The following SH3KBP1 variants were observed in gnomAD, a reference collection of about 807,000 sequenced individuals.
SH3KBP1 encodes the protein SH3 domain containing kinase binding protein 1, also known as SH3 domain-containing kinase-binding protein 1.
A neutral mutation model predicts 50.1 loss-of-function variants in SH3KBP1; 8 were observed. That is an observed-to-expected ratio of 0.16 (90% confidence interval 0.09 to 0.29). SH3KBP1 has a LOEUF of 0.29. Among genes scored for constraint, SH3KBP1 ranks in the 10% least tolerant of loss-of-function variants. The probability of loss-of-function intolerance (pLI) is 1.00; values close to 1 mark genes in which losing one functional copy is unlikely to be tolerated. For synonymous variants in SH3KBP1, 227 were observed against 218.6 expected (o/e 1.04, Z -0.34); for missense variants, 377 against 535.2 (o/e 0.70, Z 2.92).
chrX:19,567,163 T>C lies in SH3KBP1; in HGVS notation c.1384+1940A>G, dbSNP rs555667965. ...GGCTTAACAAGAGTAACACAAGGGATCTAGTGGTGATGGAAATGTTCTATG... is the reference window on the plus strand; with the variant it reads ...GGCTTAACAAGAGTAACACAAGGGACCTAGTGGTGATGGAAATGTTCTATG... On this transcript the variant is annotated intron_variant, in intron 13 of 17. Coordinates refer to ENST00000397821, the MANE Select transcript of SH3KBP1 (RefSeq NM_031892.3). Among the ~76,000 whole-genome samples the C allele has an allele frequency of 8.4e-5, 9 of 107,759 alleles. No homozygotes were observed. The South Asian group carries it at 3.7e-3, about 44-fold the overall frequency. 93.6% of individuals were successfully genotyped at this position (107,759 alleles called of 115,157 possible). A position where few individuals can be genotyped will look rare whatever the true frequency, so the allele number is the denominator to read the frequency against.
intron 1 of SH3KBP1, among the ~76,000 whole-genome samples, chrX:19,853,951 G>A (rs2068580579): frequency 9.6e-6 from 1 of 104,045 alleles, no homozygotes; most frequent in African/African-American, 3.5e-5. Context: ...AAGAGAGAAC[G>A]AAACTCCATC....
At chrX:19,608,865 T>C (rs918584845) in intron 8 of SH3KBP1, among the ~76,000 whole-genome samples, 21 of 112,435 alleles carry the variant, frequency 1.9e-4, no homozygotes, top group Non-Finnish European at 3.4e-4. Flanking sequence ...TGGCGCACAG[T>C]TGCCATCATG....
At chrX:19,566,054 T>C (rs1331264602) in intron 13 of SH3KBP1, among the ~76,000 whole-genome samples, 2 of 109,427 alleles carry the variant, frequency 1.8e-5, no homozygotes, top group Non-Finnish European at 3.8e-5. Context: ...GGTGGGAGGA[T>C]TGCATGAGCC....
chrX:19,841,634 C>T (rs1229356618), intron 1 of SH3KBP1, among the ~76,000 whole-genome samples: 2 of 111,322 alleles, frequency 1.8e-5, no homozygotes, highest in Admixed American at 9.6e-5. Flanking sequence ...AAACAGACTT[C>T]ACCAAAAAAG....
rs1245815328 is a variant in SH3KBP1 at position 19,882,369 on chromosome X, G to C, written c.4+4938C>G. ...ACCTGGAGATGAGGAGATGAGCCTG[G>C]AATATCCAGGTGGACCCAATGTCAT... On this transcript the variant is annotated intron_variant, in intron 1 of 17. Coordinates refer to ENST00000397821, the MANE Select transcript of SH3KBP1 (RefSeq NM_031892.3). Among the ~76,000 whole-genome samples, 2 of 111,265 alleles carry C rather than the reference G, an allele frequency of 1.8e-5. 1 individual carries two copies. Among genetic ancestry groups the C allele is most frequent in the East Asian group, 5.6e-4 (2 of 3,554 alleles).
chrX:19,699,789 C>T (rs1328437313), intron 4 of SH3KBP1, among the ~76,000 whole-genome samples: 3 of 111,610 alleles, frequency 2.7e-5, no homozygotes, highest in Non-Finnish European at 5.7e-5. Context: ...CCATCCCCAC[C>T]CCTTCTTGCA....
At position 19,704,767 on chromosome X, in the gene SH3KBP1, A is replaced by G. The variant is rs761796866; in HGVS notation, c.390+2114T>C. Among the ~76,000 whole-genome samples the G allele has an allele frequency of 2.7e-5, 3 of 112,648 alleles. No homozygotes were observed. In the East Asian group the frequency reaches 8.3e-4, roughly 31 times the overall value. ...ATAACAGATCATTACAATGCAAAGTATCATAACAAATACATATCTAAAAAC... is the reference window on the plus strand; with the variant it reads ...ATAACAGATCATTACAATGCAAAGTGTCATAACAAATACATATCTAAAAAC... On this transcript the variant is annotated intron_variant, in intron 4 of 17. Coordinates refer to ENST00000397821, the MANE Select transcript of SH3KBP1 (RefSeq NM_031892.3).
At chrX:19,707,691 C>T (rs188376604) in intron 3 of SH3KBP1, among the ~76,000 whole-genome samples, 118 of 112,432 alleles carry the variant, frequency 1.0e-3, no homozygotes, top group African/African-American at 3.6e-3. Flanking sequence ...CTCAGGGTTA[C>T]AACATCTCAC....
chrX:19,672,856 A>G (rs1040687933), intron 6 of SH3KBP1, among the ~76,000 whole-genome samples: 3 of 109,682 alleles, frequency 2.7e-5, no homozygotes, highest in African/African-American at 1.0e-4. Flanking sequence ...CAGGAGTTCA[A>G]GACCAGCCTG....
chrX:19,657,895 C>A (rs2062330888), intron 6 of SH3KBP1, among the ~76,000 whole-genome samples: 1 of 96,403 alleles, frequency 1.0e-5, no homozygotes, highest in Admixed American at 1.2e-4. Flanking sequence ...AGAAAGTAGA[C>A]TGGTGGTTGC....
chrX:19,868,661 TTG>T (rs2068968069), intron 1 of SH3KBP1, among the ~76,000 whole-genome samples: 1 of 102,076 alleles, frequency 9.8e-6, no homozygotes, highest in Non-Finnish European at 2.0e-5. Flanking sequence ...ATATCCTAAG[TTG>T]TAAATGCACT....
intron 5 of SH3KBP1, among the ~76,000 whole-genome samples, chrX:19,687,244 C>A (rs1388717415): frequency 1.8e-5 from 2 of 112,738 alleles, no homozygotes; most frequent in South Asian, 3.6e-4. Flanking sequence ...AAAGCAATAA[C>A]CATGAGAGGT....
chrX:19,657,564 C>T (rs992604080), intron 6 of SH3KBP1, among the ~76,000 whole-genome samples: 2 of 107,738 alleles, frequency 1.9e-5, no homozygotes, highest in African/African-American at 3.4e-5. Context: ...CCTGTCTCTA[C>T]AAAAAATACA....
chrX:19,693,175 T>C (rs899609685), intron 5 of SH3KBP1, among the ~76,000 whole-genome samples: 4 of 111,952 alleles, frequency 3.6e-5, no homozygotes, highest in African/African-American at 9.8e-5. Flanking sequence ...CCTGGACACT[T>C]TGCTGAACTC....
chrX:19,749,033 T>C (rs1325404429), intron 2 of SH3KBP1, among the ~76,000 whole-genome samples: 1 of 112,559 alleles, frequency 8.9e-6, no homozygotes, highest in Non-Finnish European at 1.9e-5. Context: ...CTAATGAGCA[T>C]GTGACACGAT....
At chrX:19,820,715 C>T (rs2067501198) in intron 2 of SH3KBP1, among the ~76,000 whole-genome samples, 1 of 110,395 alleles carries the variant, frequency 9.1e-6, no homozygotes, top group East Asian at 2.8e-4. Context: ...AGGACTTACA[C>T]CTGCCATTGT....
chrX:19,867,585 C>A (rs1246358431), intron 1 of SH3KBP1, among the ~76,000 whole-genome samples: 1 of 111,326 alleles, frequency 9.0e-6, no homozygotes, highest in Non-Finnish European at 1.9e-5. Flanking sequence ...AGGCTAAGAG[C>A]CAAGATTTCT....
At chrX:19,792,169 C>T (rs1024263737) in intron 2 of SH3KBP1, among the ~76,000 whole-genome samples, 5 of 111,934 alleles carry the variant, frequency 4.5e-5, no homozygotes, top group African/African-American at 1.6e-4. Flanking sequence ...GCTAGCCATA[C>T]AACAAAATAC....
intron 2 of SH3KBP1, among the ~76,000 whole-genome samples, chrX:19,781,284 T>C (rs1324416418): frequency 9.0e-6 from 1 of 111,135 alleles, no homozygotes; most frequent in African/African-American, 3.3e-5. Flanking sequence ...GGATTGTCCT[T>C]CTCCATATTT....
Sources: gnomAD v4.1 joint callset for allele counts (sites outside exome capture counted in the v4.1 genomes callset) on GRCh38, gnomAD v4.1.1 for gene constraint, MANE v1.5 for transcripts, NCBI Gene and HGNC (gene_info 2026-07-23, HGNC 2026-07-21) for gene names.